Variants in TTC39B observed in about 807,000 individuals in gnomAD.
The protein encoded by TTC39B is tetratricopeptide repeat domain 39B, also known as tetratricopeptide repeat protein 39B.
A neutral mutation model predicts 96.6 loss-of-function variants in TTC39B; 92 were observed. That is an observed-to-expected ratio of 0.95 (90% CI 0.80 to 1.13). The LOEUF is 1.13. TTC39B is among the 50% of genes most tolerant of loss of function. TTC39B has a pLI of 0.00. For synonymous variants in TTC39B, 367 were observed against 299.4 expected, an observed-to-expected ratio of 1.23 and a Z score of -2.33; for missense variants, 955 against 809.3, an observed-to-expected ratio of 1.18 and a Z score of -2.18.
chr9:15,209,573 CT>C (rs1820068189), intron 6 of TTC39B, among the ~76,000 whole-genome samples: 1 of 152,186 alleles, frequency 6.6e-6, no homozygotes, highest in Non-Finnish European at 1.5e-5. Flanking sequence ...AGTTTTCAAA[CT>C]GTCAGTCCTG....
chr9:15,282,181 G>A (rs953033108), intron 1 of TTC39B, among the ~76,000 whole-genome samples: 3 of 151,998 alleles, frequency 2.0e-5, no homozygotes, highest in African/African-American at 4.8e-5. Context: ...CTCAAAACTC[G>A]CAAAAAATAG....
chr9:15,204,168 G>A (rs1391439538), intron 6 of TTC39B, among the ~76,000 whole-genome samples: 1 of 152,114 alleles, frequency 6.6e-6, no homozygotes, highest in African/African-American at 2.4e-5. Flanking sequence ...CAACTCACAA[G>A]GGGAAATGAA....
chr9:15,210,663 A>G (rs1483881458), intron 5 of TTC39B, among the ~76,000 whole-genome samples: 6 of 152,182 alleles, frequency 3.9e-5, no homozygotes, highest in Non-Finnish European at 5.9e-5. Flanking sequence ...CCTCCCATCC[A>G]TCTGATCAGG....
intron 6 of TTC39B, among the ~76,000 whole-genome samples, chr9:15,206,496 A>T (rs1457710226): frequency 1.3e-5 from 2 of 152,224 alleles, no homozygotes; most frequent in Non-Finnish European, 2.9e-5. Flanking sequence ...TTATTCTTTC[A>T]CTGTGGTTGA....
chr9:15,259,754 T>A (rs1245355548), intron 2 of TTC39B, among the ~76,000 whole-genome samples: 1 of 152,190 alleles, frequency 6.6e-6, no homozygotes, highest in Admixed American at 6.5e-5. Context: ...GATGAAGTTA[T>A]CAGGAGGTAA....
chr9:15,265,041 T>C (rs975823413), intron 2 of TTC39B, among the ~76,000 whole-genome samples: 10 of 152,044 alleles, frequency 6.6e-5, no homozygotes, highest in Non-Finnish European at 1.5e-4. Context: ...AAAGGAGGTA[T>C]CAAATATAAA....
intron 2 of TTC39B, among the ~76,000 whole-genome samples, chr9:15,247,945 A>G (rs1822357200): frequency 1.3e-5 from 2 of 152,198 alleles, no homozygotes; most frequent in Non-Finnish European, 2.9e-5. Flanking sequence ...AACTTTTAGC[A>G]TGATGGAGTT....
At chr9:15,263,990 G>A (rs1362516152) in intron 2 of TTC39B, among the ~76,000 whole-genome samples, 2 of 152,204 alleles carry the variant, frequency 1.3e-5, no homozygotes, top group South Asian at 2.1e-4. Context: ...GAGCAGGACA[G>A]GGAAGTTAAA....
chr9:15,190,871 C>T (rs547894408), intron 10 of TTC39B, among the ~76,000 whole-genome samples: 1 of 152,216 alleles, frequency 6.6e-6, no homozygotes, highest in Admixed American at 6.5e-5. Context: ...TTCCCCCACC[C>T]CTCCCATCTT....
chr9:15,251,700 C>CATATATATATATATATATATATAT (rs57422881), intron 2 of TTC39B, among the ~76,000 whole-genome samples: 51 of 98,348 alleles, frequency 5.2e-4, no homozygotes, highest in East Asian at 1.1e-3. Flanking sequence ...CATACATATA[C>CATATATATATATATATATATATAT]ATATATATAT....
chr9:15,208,182 GC>G (rs991213910), intron 6 of TTC39B, among the ~76,000 whole-genome samples: 2 of 151,308 alleles, frequency 1.3e-5, no homozygotes, highest in African/African-American at 4.9e-5. Context: ...GCGCCACCAT[GC>G]CTGGCTAATT....
intron 2 of TTC39B, among the ~76,000 whole-genome samples, chr9:15,243,966 C>T (rs968528903): frequency 1.3e-5 from 2 of 152,170 alleles, no homozygotes; most frequent in African/African-American, 4.8e-5. Flanking sequence ...CTATCTCTTT[C>T]AGCAAAAGAA....
intron 7 of TTC39B, among the ~76,000 whole-genome samples, chr9:15,200,662 G>A (rs979354998): frequency 1.3e-5 from 2 of 152,206 alleles, no homozygotes; most frequent in African/African-American, 2.4e-5. Flanking sequence ...ACAGTCCTAC[G>A]TTTTGCATAT....
intron 5 of TTC39B, 86 bp downstream of exon 5, chr9:15,211,180 C>G (rs1820175368): frequency 7.3e-7 from 1 of 1,362,816 alleles, no homozygotes; most frequent in South Asian, 2.0e-5. Flanking sequence ...AAACACAGAG[C>G]TTTTGGTCAG....
At chr9:15,178,317 A>T (rs1412757998) in intron 17 of TTC39B, among the ~76,000 whole-genome samples, 1 of 152,200 alleles carries the variant, frequency 6.6e-6, no homozygotes, top group Non-Finnish European at 1.5e-5. Flanking sequence ...TCACATCTGT[A>T]ATCCCAATGC....
At chr9:15,201,411 G>C (rs1819531480) in intron 7 of TTC39B, among the ~76,000 whole-genome samples, 2 of 152,176 alleles carry the variant, frequency 1.3e-5, no homozygotes, top group South Asian at 4.1e-4. Context: ...GCCATGCACG[G>C]GGACGGGATC....
At chr9:15,219,429 A>G (rs1820717262) in intron 3 of TTC39B, among the ~76,000 whole-genome samples, 1 of 152,170 alleles carries the variant, frequency 6.6e-6, no homozygotes, top group African/African-American at 2.4e-5. Context: ...CTATTAATAT[A>G]TCTGATTCAT....
At chr9:15,221,075 G>T (rs1446164024) in intron 3 of TTC39B, among the ~76,000 whole-genome samples, 1 of 152,156 alleles carries the variant, frequency 6.6e-6, no homozygotes, top group African/African-American at 2.4e-5. Context: ...CTACTGTGAG[G>T]TTACTACTGT....
At position 15,249,433 on chromosome 9, in the gene TTC39B, A is replaced by C. The variant is rs7874043; in HGVS notation, c.275+18481T>G. 6,312 of 152,860 alleles carry C rather than the reference A, an allele frequency of 0.041. 159 individuals are homozygous for C. The highest frequency in any genetic ancestry group is 0.064 in the African/African-American group (2,680 of 41,556). 9.5% of individuals were successfully genotyped at this position (152,860 alleles called of 1,614,324 possible). Reference sequence around the variant, plus strand: ...TCAACACATGCTATTTCTGAGGACAAGCCACTTTACTAATCTCTAAGGTTC... The same window carrying C: ...TCAACACATGCTATTTCTGAGGACACGCCACTTTACTAATCTCTAAGGTTC... On this transcript the variant is annotated intron_variant, in intron 2 of 19. Coordinates refer to ENST00000512701, the Ensembl canonical transcript of TTC39B.
Sources: gnomAD v4.1 joint callset for allele counts (sites outside exome capture counted in the v4.1 genomes callset) on GRCh38, gnomAD v4.1.1 for gene constraint, MANE v1.5 for transcripts, NCBI Gene and HGNC (gene_info 2026-07-23, HGNC 2026-07-21) for gene names.